CSMD1: variants seen among roughly 807,000 people sequenced by gnomAD.
CSMD1 encodes CUB and Sushi multiple domains 1, also known as CUB and sushi domain-containing protein 1.
Under a neutral mutation model 417.5 loss-of-function variants are expected in CSMD1, and 213 were observed. The ratio of observed to expected loss-of-function variants is 0.51; its 90% CI spans 0.46 to 0.57. The LOEUF (loss-of-function observed/expected upper bound fraction) is 0.57, where lower values mean the gene tolerates loss of function less well. CSMD1 is among the 20% of genes least tolerant of loss of function. The pLI, the probability that CSMD1 is intolerant of heterozygous loss-of-function variation, is 0.00. For synonymous variants in CSMD1, 2,862 were observed against 1,736.8 expected (o/e 1.65, Z -16.11); for missense variants, 6,923 against 4,529.7 (o/e 1.53, Z -15.17).
intron 5 of CSMD1, among the ~76,000 whole-genome samples, chr8:3,820,071 C>T (rs149986468): frequency 3.9e-5 from 6 of 152,314 alleles, no homozygotes; most frequent in African/African-American, 1.2e-4. Context: ...CCACTTAAGA[C>T]GCTCAGTGAT....
At chr8:3,981,363 G>C (rs542975155) in intron 5 of CSMD1, among the ~76,000 whole-genome samples, 2 of 152,012 alleles carry the variant, frequency 1.3e-5, no homozygotes, top group African/African-American at 4.8e-5. Context: ...GAAGGGGGGT[G>C]AAGGATAAAA....
intron 10 of CSMD1, among the ~76,000 whole-genome samples, chr8:3,566,448 A>G (rs1014572312): frequency 2.6e-5 from 4 of 152,010 alleles, no homozygotes; most frequent in African/African-American, 9.7e-5. Flanking sequence ...CCTAGGGACC[A>G]CCGTACCGCT....
Position 3,201,788 on chromosome 8 carries a change from G to C in CSMD1, c.4985-63C>G, listed in dbSNP as rs560480143. The C allele has an allele frequency of 1.5e-4, 140 of 914,686 alleles. 3 individuals are homozygous for C. In the South Asian group the frequency reaches 1.9e-3, roughly 13 times the overall value. The allele number at this position is 914,686 out of a possible 1,614,324, so 56.7% of individuals were successfully genotyped here. On this transcript the variant is annotated intron_variant, in intron 31 of 69. Transcript: ENST00000635120. ...CTAAGAAAACAAAATGGAGATTTTT[G>C]ATTTCACTGAATATCTATTAATTGC...
chr8:4,029,856 G>C (rs1038204534), intron 4 of CSMD1, among the ~76,000 whole-genome samples: 2 of 152,008 alleles, frequency 1.3e-5, no homozygotes, highest in African/African-American at 4.8e-5. Flanking sequence ...GCAGGCACAA[G>C]AATTGGGTAA....
intron 3 of CSMD1, among the ~76,000 whole-genome samples, chr8:4,274,640 A>G (rs1456619661): frequency 6.6e-6 from 1 of 152,150 alleles, no homozygotes; most frequent in Non-Finnish European, 1.5e-5. Context: ...ACAAAAATCT[A>G]TAGGTCTCCA....
chr8:4,803,527 G>C (rs1313492127), intron 1 of CSMD1, among the ~76,000 whole-genome samples: 5 of 152,120 alleles, frequency 3.3e-5, no homozygotes, highest in Non-Finnish European at 7.4e-5. Context: ...AGAACTACCA[G>C]AGACAAATTT....
chr8:4,758,157 G>A (rs1173751908), intron 1 of CSMD1, among the ~76,000 whole-genome samples: 2 of 152,010 alleles, frequency 1.3e-5, no homozygotes, highest in East Asian at 1.9e-4. Context: ...GTGTTTTTCT[G>A]CTTGGAGGTG....
intron 2 of CSMD1, among the ~76,000 whole-genome samples, chr8:4,489,586 G>T (rs1801594622): frequency 6.6e-6 from 1 of 152,136 alleles, no homozygotes; most frequent in Non-Finnish European, 1.5e-5. Flanking sequence ...CCTGCCTTCT[G>T]GAGTCATACC....
chr8:4,439,996 G>C (rs573494451), intron 2 of CSMD1, among the ~76,000 whole-genome samples: 2 of 152,220 alleles, frequency 1.3e-5, no homozygotes, highest in East Asian at 1.9e-4. Context: ...CTAGACATGG[G>C]GGGTATACAC....
intron 12 of CSMD1, among the ~76,000 whole-genome samples, chr8:3,448,679 A>G (rs1468123116): frequency 2.0e-5 from 3 of 152,130 alleles, no homozygotes; most frequent in Admixed American, 2.0e-4. Flanking sequence ...GGCATGACCC[A>G]TGACCTTCAG....
At chr8:4,054,278 T>A (rs949565401) in intron 3 of CSMD1, among the ~76,000 whole-genome samples, 3 of 52,486 alleles carry the variant, frequency 5.7e-5, no homozygotes, top group Admixed American at 5.4e-4. Context: ...GACGGGGAAG[T>A]GAAGATGTGG....
At chr8:3,730,715 A>G (rs906505248) in intron 6 of CSMD1, among the ~76,000 whole-genome samples, 3 of 152,228 alleles carry the variant, frequency 2.0e-5, no homozygotes, top group African/African-American at 7.2e-5. Context: ...TCCATTAAAC[A>G]GACCTAGAAA....
chr8:4,861,679 C>T (rs952573325), intron 1 of CSMD1, among the ~76,000 whole-genome samples: 11 of 152,044 alleles, frequency 7.2e-5, no homozygotes, highest in Admixed American at 7.2e-4. Context: ...CACATAACAA[C>T]ACAGTGATCT....
intron 44 of CSMD1, 79 bp downstream of exon 44, chr8:3,108,524 A>C: frequency 6.9e-7 from 1 of 1,441,712 alleles, no homozygotes; most frequent in South Asian, 1.3e-5. Flanking sequence ...CTTCAGCTGG[A>C]AACAAGGCGT....
At chr8:3,266,604 CAAA>C (rs60439183) in intron 26 of CSMD1, among the ~76,000 whole-genome samples, 13 of 25,506 alleles carry the variant, frequency 5.1e-4, no homozygotes, top group African/African-American at 2.0e-3. Context: ...GACTCCCTCT[CAAA>C]AAAAAAAAAA....
intron 5 of CSMD1, among the ~76,000 whole-genome samples, chr8:3,963,839 T>C (rs1433938519): frequency 6.6e-6 from 1 of 152,174 alleles, no homozygotes; most frequent in Non-Finnish European, 1.5e-5. Context: ...GTAAATATAA[T>C]CTTAAAACCG....
intron 2 of CSMD1, among the ~76,000 whole-genome samples, chr8:4,549,665 G>C (rs913815171): frequency 6.6e-6 from 1 of 151,876 alleles, no homozygotes; most frequent in Non-Finnish European, 1.5e-5. Context: ...GAGGCAGGAA[G>C]ATCACTTGAG....
intron 26 of CSMD1, among the ~76,000 whole-genome samples, chr8:3,244,562 C>A (rs1175774290): frequency 1.3e-5 from 2 of 152,194 alleles, no homozygotes; most frequent in Admixed American, 6.5e-5. Flanking sequence ...TAGGTCGCTG[C>A]AGACATCAGC....
intron 3 of CSMD1, among the ~76,000 whole-genome samples, chr8:4,062,140 A>T (rs563897491): frequency 2.0e-5 from 3 of 152,208 alleles, no homozygotes; most frequent in Admixed American, 1.3e-4. Flanking sequence ...GTGGAGGCTC[A>T]TGATATGCAC....
Sources: gnomAD v4.1 joint callset for allele counts (sites outside exome capture counted in the v4.1 genomes callset) on GRCh38, gnomAD v4.1.1 for gene constraint, MANE v1.5 for transcripts, NCBI Gene and HGNC (gene_info 2026-07-23, HGNC 2026-07-21) for gene names.